SORCS1: variants seen among roughly 807,000 people sequenced by gnomAD.
SORCS1 encodes the protein VPS10 domain-containing receptor SorCS1.
A neutral mutation model predicts 146.1 loss-of-function variants in SORCS1; 60 were observed. That is an observed-to-expected ratio of 0.41 (90% CI 0.33 to 0.51). SORCS1 has a LOEUF of 0.51. SORCS1 is among the 20% of genes least tolerant of loss of function. SORCS1 has a pLI of 0.21. For synonymous variants in SORCS1, 637 were observed against 584.0 expected, an observed-to-expected ratio of 1.09 and a Z score of -1.31; for missense variants, 1,352 against 1,487.6, an observed-to-expected ratio of 0.91 and a Z score of 1.50.
intron 1 of SORCS1, among the ~76,000 whole-genome samples, chr10:107,133,698 C>T (rs553784357): frequency 6.6e-6 from 1 of 152,288 alleles, no homozygotes; most frequent in South Asian, 2.1e-4. Flanking sequence ...GTCTGTTTCA[C>T]CAGCCTTGGT....
chr10:106,994,879 G>A lies in SORCS1; in HGVS notation c.559-38299C>T, dbSNP rs74152301. On this transcript the variant is annotated intron_variant, in intron 1 of 25. Transcript: ENST00000263054. ...CCAAAATGTATTTTGCCCTTCCACC[G>A]TTTCTGCATAGAAAGCAAAGTGAAT... 5.8e-3 allele frequency among the ~76,000 whole-genome samples: 880 copies of A among 152,256 alleles called. 12 individuals carry two copies. The highest frequency in any genetic ancestry group is 0.02 in the African/African-American group (835 of 41,566).
At chr10:106,740,111 A>G (rs559831276) in intron 5 of SORCS1, among the ~76,000 whole-genome samples, 1 of 152,350 alleles carries the variant, frequency 6.6e-6, no homozygotes, top group East Asian at 1.9e-4. Flanking sequence ...CACCCCCAAT[A>G]CATGATGGTT....
At chr10:107,076,087 C>A (rs1962859220) in intron 1 of SORCS1, among the ~76,000 whole-genome samples, 1 of 152,066 alleles carries the variant, frequency 6.6e-6, no homozygotes, top group African/African-American at 2.4e-5. Flanking sequence ...GACAAAATTG[C>A]CAATTATCTC....
intron 1 of SORCS1, among the ~76,000 whole-genome samples, chr10:107,065,472 C>CCT (rs1961718044): frequency 1.7e-5 from 1 of 59,556 alleles, no homozygotes; most frequent in South Asian, 6.1e-4. Context: ...CTCTCCCTCT[C>CCT]CTCTCCTCTC....
intron 3 of SORCS1, among the ~76,000 whole-genome samples, chr10:106,794,871 C>T (rs2136560756): frequency 6.6e-6 from 1 of 152,292 alleles, no homozygotes; most frequent in Admixed American, 6.5e-5. Context: ...CATTCATCTA[C>T]AATTACCTGT....
At chr10:106,999,134 G>A (rs1957112742) in intron 1 of SORCS1, among the ~76,000 whole-genome samples, 1 of 152,074 alleles carries the variant, frequency 6.6e-6, no homozygotes, top group South Asian at 2.1e-4. Context: ...CGTAATTCAG[G>A]TTTAATGGAA....
At chr10:106,731,943 C>G (rs549678441) in intron 5 of SORCS1, among the ~76,000 whole-genome samples, 1 of 152,100 alleles carries the variant, frequency 6.6e-6, no homozygotes. Context: ...AGAAAGAAAG[C>G]GAAGGGGCTA....
chr10:107,087,685 T>C (rs538584992), intron 1 of SORCS1, among the ~76,000 whole-genome samples: 2 of 152,328 alleles, frequency 1.3e-5, no homozygotes, highest in Admixed American at 1.3e-4. Flanking sequence ...TCTAGAACCT[T>C]ATATAGGGAA....
intron 16 of SORCS1, among the ~76,000 whole-genome samples, chr10:106,668,938 A>G (rs1235797812): frequency 1.3e-5 from 2 of 152,156 alleles, no homozygotes; most frequent in African/African-American, 4.8e-5. Flanking sequence ...GTAATCACCG[A>G]AACTCCAGCT....
intron 3 of SORCS1, among the ~76,000 whole-genome samples, chr10:106,798,180 G>C (rs142615032): frequency 1.1e-4 from 16 of 152,244 alleles, no homozygotes; most frequent in Non-Finnish European, 1.9e-4. Flanking sequence ...CTGTTCTCTT[G>C]TCTGCATCCA....
At chr10:106,657,667 G>A (rs960015056) in intron 17 of SORCS1, among the ~76,000 whole-genome samples, 1 of 145,828 alleles carries the variant, frequency 6.9e-6, no homozygotes, top group East Asian at 2.1e-4. Flanking sequence ...CTATATGTGT[G>A]TGTGTGTGTG....
intron 24 of SORCS1, among the ~76,000 whole-genome samples, chr10:106,580,991 A>C (rs778689560): frequency 6.6e-5 from 10 of 152,138 alleles, no homozygotes; most frequent in Non-Finnish European, 1.2e-4. Flanking sequence ...TTTGTGTGTA[A>C]AAGATGGGTG....
In SORCS1 at chr10:106,683,759, T is replaced by C. The variant is rs1439999945; in HGVS notation, c.1561-4025A>G. ...CTTTTGTAAAGAACAAGCTCCCAAATAGTATCCCCAACACTCTCCCTCCCG... is the reference window on the plus strand; with the variant it reads ...CTTTTGTAAAGAACAAGCTCCCAAACAGTATCCCCAACACTCTCCCTCCCG... On this transcript the variant is annotated intron_variant, in intron 10 of 25. Transcript: ENST00000263054. Among the ~76,000 whole-genome samples, 3 of 152,132 alleles carry C rather than the reference T, an allele frequency of 2.0e-5. No individual in the cohort carries two copies. In the East Asian group the frequency reaches 5.8e-4, roughly 29 times the overall value.
chr10:107,025,245 A>T (rs187151782), intron 1 of SORCS1, among the ~76,000 whole-genome samples: 1 of 152,262 alleles, frequency 6.6e-6, no homozygotes, highest in Admixed American at 6.5e-5. Flanking sequence ...AATTTCTAAC[A>T]CTCCAGCTGA....
chr10:106,817,882 C>T (rs1947819269), intron 3 of SORCS1, among the ~76,000 whole-genome samples: 1 of 152,172 alleles, frequency 6.6e-6, no homozygotes, highest in Admixed American at 6.5e-5. Context: ...TGCTGATCTG[C>T]TTCATTGGTC....
intron 2 of SORCS1, among the ~76,000 whole-genome samples, chr10:106,878,427 A>T (rs1225135917): frequency 6.6e-6 from 1 of 151,422 alleles, no homozygotes; most frequent in Admixed American, 6.6e-5. Context: ...TGATTAGGTT[A>T]TAAGGGCAGA....
At chr10:106,903,886 G>T (rs1951814527) in intron 2 of SORCS1, among the ~76,000 whole-genome samples, 4 of 152,236 alleles carry the variant, frequency 2.6e-5, no homozygotes, top group South Asian at 4.1e-4. Context: ...CCTGTTTATT[G>T]TGGTCTCTCT....
At chr10:106,968,978 T>C (rs1165792594) in intron 1 of SORCS1, among the ~76,000 whole-genome samples, 1 of 152,212 alleles carries the variant, frequency 6.6e-6, no homozygotes, top group African/African-American at 2.4e-5. Context: ...TTGTTTGCCT[T>C]GTCTGAGTGC....
chr10:107,073,558 T>C (rs1249628336), intron 1 of SORCS1, among the ~76,000 whole-genome samples: 1 of 152,202 alleles, frequency 6.6e-6, no homozygotes, highest in Non-Finnish European at 1.5e-5. Flanking sequence ...GTCTGATATG[T>C]ATTAAATCGC....
Sources: allele counts gnomAD v4.1 joint callset (sites outside exome capture counted in the v4.1 genomes callset), GRCh38; gene constraint gnomAD v4.1.1; transcripts MANE v1.5; gene names NCBI Gene and HGNC (gene_info 2026-07-23, HGNC 2026-07-21).